HTR4: variants seen among roughly 807,000 people sequenced by gnomAD.
HTR4 encodes the protein 5-hydroxytryptamine (serotonin) receptor 4, G protein-coupled.
A neutral mutation model predicts 36.8 loss-of-function variants in HTR4; 16 were observed. The ratio of observed to expected loss-of-function variants is 0.43; its 90% CI spans 0.29 to 0.66. HTR4 has a LOEUF of 0.66. HTR4 is among the 30% of genes least tolerant of loss of function. The pLI is 0.13. For synonymous variants in HTR4, 189 were observed against 185.1 expected (o/e 1.02, Z -0.17); for missense variants, 438 against 490.9 (o/e 0.89, Z 1.02).
In HTR4 at chr5:148,482,936, G is replaced by A; in HGVS notation, c.*267C>T. 1 of 1,350,238 alleles carries A rather than the reference G, an allele frequency of 7.4e-7. No individual in the cohort carries two copies. The highest frequency in any genetic ancestry group is 1.6e-5 in the South Asian group (1 of 62,374). 83.6% of individuals were successfully genotyped at this position (1,350,238 alleles called of 1,614,324 possible). ...TGACGGGAACATGTCAGAGACACCAGAGACCACGCGGCAAAAGCAGAGAAT... is the reference window on the plus strand; with the variant it reads ...TGACGGGAACATGTCAGAGACACCAAAGACCACGCGGCAAAAGCAGAGAAT... On this transcript the variant is annotated 3_prime_UTR_variant, in exon 7 of 7. Coordinates refer to ENST00000377888, the MANE Select transcript of HTR4 (RefSeq NM_000870.7).
At chr5:148,648,388 C>T (rs1464244427) in intron 1 of HTR4, among the ~76,000 whole-genome samples, 1 of 152,070 alleles carries the variant, frequency 6.6e-6, no homozygotes, top group Non-Finnish European at 1.5e-5. Context: ...GACACAGAAA[C>T]CAGGTGGACA....
At chr5:148,625,030 G>A (rs1407386607) in intron 2 of HTR4, among the ~76,000 whole-genome samples, 2 of 152,158 alleles carry the variant, frequency 1.3e-5, no homozygotes, top group Non-Finnish European at 2.9e-5. Flanking sequence ...GCATAGAGGG[G>A]AGGTCAGGAG....
rs1165991424 is a variant in HTR4, at chr5:148,488,412, G to C, written c.1077-5119C>G. On this transcript the variant is annotated intron_variant, in intron 6 of 6. Coordinates refer to ENST00000377888, the MANE Select transcript of HTR4 (RefSeq NM_000870.7). ...GCCTTTGGCAAAAAAACAGGATAAA[G>C]CTAAATTTTAATAACTTTGTTTTAC... Among the ~76,000 whole-genome samples the C allele has an allele frequency of 2.0e-5, 3 of 152,084 alleles. No individual in the cohort carries two copies. In the South Asian group the frequency reaches 6.2e-4, roughly 31 times the overall value.
intron 2 of HTR4, among the ~76,000 whole-genome samples, chr5:148,606,034 A>G (rs1332519214): frequency 6.6e-6 from 1 of 152,190 alleles, no homozygotes; most frequent in African/African-American, 2.4e-5. Context: ...AGAGAAGTTC[A>G]ACAGATAAAT....
intron 6 of HTR4, among the ~76,000 whole-genome samples, chr5:148,491,303 G>A (rs1008859119): frequency 4.6e-5 from 7 of 152,102 alleles, no homozygotes; most frequent in East Asian, 1.9e-4. Context: ...CGTATCAGTC[G>A]CCTTCTACGG....
At chr5:148,585,756 T>A (rs1761321704) in intron 2 of HTR4, among the ~76,000 whole-genome samples, 2 of 152,278 alleles carry the variant, frequency 1.3e-5, no homozygotes, top group South Asian at 4.2e-4. Context: ...TGATTTACAT[T>A]TTTGTATACC....
At chr5:148,475,155 T>C (rs1005161216), downstream of HTR4, among the ~76,000 whole-genome samples, 2 of 152,170 alleles carry the variant, frequency 1.3e-5, no homozygotes, top group African/African-American at 2.4e-5. Context: ...TCCCTGGCAG[T>C]GTGTTAATTG....
chr5:148,474,225 C>T (rs769477445), downstream of HTR4, among the ~76,000 whole-genome samples: 6 of 152,066 alleles, frequency 3.9e-5, no homozygotes, highest in African/African-American at 7.2e-5. Flanking sequence ...CTTGGGTTCT[C>T]TTTCACAAAG....
intron 2 of HTR4, among the ~76,000 whole-genome samples, chr5:148,557,210 A>C (rs562363779): frequency 4.2e-4 from 64 of 152,250 alleles, no homozygotes; most frequent in African/African-American, 1.4e-3. Context: ...GGGTTTCTGC[A>C]GGAGTCCAGG....
Position 148,654,160 on chromosome 5 carries a change from C to A in HTR4, c.-146G>T. On this transcript the variant is annotated 5_prime_UTR_variant, in exon 1 of 7. Transcript: ENST00000377888. ...CTGCTGCCGCCGCTGCCGCTGCGCTCCCAGCCGCTGCCTGCGCCCTCCCTG... is the reference window on the plus strand; with the variant it reads ...CTGCTGCCGCCGCTGCCGCTGCGCTACCAGCCGCTGCCTGCGCCCTCCCTG... 1.0e-6 allele frequency: 1 copy of A among 985,750 alleles called. No homozygotes were observed. Among genetic ancestry groups the A allele is most frequent in the South Asian group, 4.7e-5 (1 of 21,462 alleles). 61.1% of individuals were successfully genotyped at this position (985,750 alleles called of 1,614,324 possible).
intron 5 of HTR4, among the ~76,000 whole-genome samples, chr5:148,522,776 A>G (rs1758082633): frequency 6.6e-6 from 1 of 152,128 alleles, no homozygotes; most frequent in Admixed American, 6.5e-5. Context: ...CAGGAGTAAG[A>G]GAGGATTCTG....
At chr5:148,649,699 C>T (rs1753977529) in intron 1 of HTR4, among the ~76,000 whole-genome samples, 1 of 151,872 alleles carries the variant, frequency 6.6e-6, no homozygotes, top group Non-Finnish European at 1.5e-5. Flanking sequence ...TTTTCTGAAA[C>T]TCAAAATAAG....
intron 5 of HTR4, among the ~76,000 whole-genome samples, chr5:148,511,507 G>A (rs1265687308): frequency 1.3e-5 from 2 of 151,814 alleles, no homozygotes; most frequent in East Asian, 1.9e-4. Flanking sequence ...GTATAATATT[G>A]CATTATAGGA....
chr5:148,501,080 A>G (rs1756916198), intron 6 of HTR4, among the ~76,000 whole-genome samples: 1 of 152,236 alleles, frequency 6.6e-6, no homozygotes. Flanking sequence ...GCAATGACAA[A>G]TAATTGGAAA....
intron 2 of HTR4, among the ~76,000 whole-genome samples, chr5:148,574,526 C>G (rs912133417): frequency 6.6e-6 from 1 of 151,996 alleles, no homozygotes; most frequent in Non-Finnish European, 1.5e-5. Flanking sequence ...GTTAGAATTA[C>G]TATTATAAAT....
rs376087503 is a variant in HTR4 at position 148,536,777 on chromosome 5, C to T, written c.353+11891G>A. Among the ~76,000 whole-genome samples, 7 of 152,120 alleles carry T rather than the reference C, an allele frequency of 4.6e-5. No individual in the cohort carries two copies. The East Asian group carries it at 1.3e-3, about 29-fold the overall frequency. ...ACCTACAAAGAGACAACAATGCCCA[C>T]ACAATAATAGTGGAAGGCTTCAGCA... On this transcript the variant is annotated intron_variant, in intron 4 of 6. Transcript: ENST00000377888.
At position 148,648,854 on chromosome 5, in the gene HTR4, T is replaced by A. The variant is rs10072185; in HGVS notation, c.-48+5208A>T. On this transcript the variant is annotated intron_variant, in intron 1 of 6. Coordinates refer to ENST00000377888, the MANE Select transcript of HTR4 (RefSeq NM_000870.7). ...TAATGGCAGAGCAATGTGGAAAGGG[T>A]CATGGACTCCAGGAGCTGAGTTTTC... Among the ~76,000 whole-genome samples the A allele has an allele frequency of 9.5e-4, 144 of 152,280 alleles. 1 individual carries two copies. Among genetic ancestry groups the A allele is most frequent in the African/African-American group, 3.3e-3 (138 of 41,566 alleles).
At chr5:148,649,030 C>T (rs1753954764) in intron 1 of HTR4, among the ~76,000 whole-genome samples, 1 of 152,084 alleles carries the variant, frequency 6.6e-6, no homozygotes, top group South Asian at 2.1e-4. Flanking sequence ...TTTACTAATA[C>T]ACCTAGCCTT....
chr5:148,471,603 G>A (rs1032248063), intron 5 of HTR4, among the ~76,000 whole-genome samples: 1 of 152,152 alleles, frequency 6.6e-6, no homozygotes, highest in Non-Finnish European at 1.5e-5. Context: ...CTAGAAGACT[G>A]TACTTATGAC....
Sources: gnomAD v4.1 joint callset for allele counts (sites outside exome capture counted in the v4.1 genomes callset) on GRCh38, gnomAD v4.1.1 for gene constraint, MANE v1.5 for transcripts, NCBI Gene and HGNC (gene_info 2026-07-23, HGNC 2026-07-21) for gene names.